TBC1D9: variants seen among roughly 807,000 people sequenced by gnomAD.
The protein encoded by TBC1D9 is TBC1 domain family member 9.
In TBC1D9, 63 loss-of-function variants were observed where a neutral mutation model predicts 132.0. The observed-to-expected ratio is 0.48, with a 90% CI of 0.39 to 0.59. The LOEUF (loss-of-function observed/expected upper bound fraction) is 0.59. Among genes scored for constraint, TBC1D9 ranks in the 20% least tolerant of loss-of-function variants. The pLI is 0.00. For synonymous variants in TBC1D9, 610 were observed against 609.9 expected, an observed-to-expected ratio of 1.00 and a Z score of 0.00; for missense variants, 1,261 against 1,592.7, an observed-to-expected ratio of 0.79 and a Z score of 3.54.
chr4:140,747,413 G>C (rs1560903572), intron 1 of TBC1D9, among the ~76,000 whole-genome samples: 2 of 151,912 alleles, frequency 1.3e-5, no homozygotes, highest in Admixed American at 1.3e-4. Context: ...GTGGGACCTA[G>C]GGTAAATCAC....
At chr4:140,656,327 G>A (rs569050755) in intron 13 of TBC1D9, among the ~76,000 whole-genome samples, 23 of 152,114 alleles carry the variant, frequency 1.5e-4, no homozygotes, top group Admixed American at 6.5e-4. Context: ...AAAAGGAGTC[G>A]GGCTGGCAAG....
chr4:140,667,202 G>A (rs945098807), intron 9 of TBC1D9, among the ~76,000 whole-genome samples: 10 of 152,116 alleles, frequency 6.6e-5, no homozygotes, highest in South Asian at 2.1e-4. Flanking sequence ...GTGGAAATAC[G>A]GGCTCAGTTA....
intron 5 of TBC1D9, among the ~76,000 whole-genome samples, 174 bp from the exon 6 acceptor site, chr4:140,677,275 G>A (rs772481761): frequency 1.1e-4 from 16 of 152,074 alleles, no homozygotes; most frequent in African/African-American, 3.1e-4. Context: ...ACCCAAAAGC[G>A]TAATAAAATT....
intron 11 of TBC1D9, among the ~76,000 whole-genome samples, chr4:140,658,842 G>A (rs1737312849): frequency 6.6e-6 from 1 of 151,682 alleles, no homozygotes; most frequent in Admixed American, 6.6e-5. Flanking sequence ...CTGGATGCAT[G>A]GTGCCCACAG....
In TBC1D9 at chr4:140,642,668, TCC is replaced by T. The variant is rs764816161; in HGVS notation, c.2338-3242_2338-3241del. ...GTGTTCATCCCAAGTCTGGTTCCTC[TCC>T]CTGGCTTTCCCTGTTCCAATAAGGG... On this transcript the variant is annotated intron_variant, in intron 13 of 20. Coordinates refer to ENST00000442267, the MANE Select transcript of TBC1D9 (RefSeq NM_015130.3). 6 of 676,980 alleles carry T rather than the reference TCC, an allele frequency of 8.9e-6. No individual in the cohort carries two copies. In the South Asian group the frequency reaches 9.5e-5, roughly 11 times the overall value. The allele number at this position is 676,980 out of a possible 1,614,324, so 41.9% of individuals were successfully genotyped here.
intron 18 of TBC1D9, 54 bp downstream of exon 18, chr4:140,627,387 T>A (rs943704199): frequency 1.7e-6 from 2 of 1,158,768 alleles, no homozygotes; most frequent in Non-Finnish European, 2.5e-6. Flanking sequence ...TTTCCAATAA[T>A]GGAGGGCTCG....
intron 13 of TBC1D9, chr4:140,642,886 G>A (rs1270412558): frequency 1.7e-6 from 1 of 579,016 alleles, no homozygotes; most frequent in East Asian, 2.9e-5. Context: ...AAGCTTCCAT[G>A]GGACTCCTCG....
chr4:140,685,631 G>A (rs1225006837), intron 3 of TBC1D9, among the ~76,000 whole-genome samples: 3 of 152,024 alleles, frequency 2.0e-5, no homozygotes, highest in Non-Finnish European at 4.4e-5. Context: ...GCATTAAGTC[G>A]GCCAGTTAAT....
intron 15 of TBC1D9, among the ~76,000 whole-genome samples, chr4:140,634,453 G>A (rs939091747): frequency 6.6e-6 from 1 of 152,100 alleles, no homozygotes; most frequent in Non-Finnish European, 1.5e-5. Flanking sequence ...GAAAGAAAGG[G>A]AACTCTCCCC....
chr4:140,735,057 A>C (rs1203445107), intron 1 of TBC1D9, among the ~76,000 whole-genome samples: 24 of 152,218 alleles, frequency 1.6e-4, no homozygotes, highest in Non-Finnish European at 1.5e-5. Flanking sequence ...CATATAATTT[A>C]CAATGAAAGA....
At chr4:140,638,337 T>C (rs1736911862) in intron 15 of TBC1D9, among the ~76,000 whole-genome samples, 1 of 151,814 alleles carries the variant, frequency 6.6e-6, no homozygotes. Flanking sequence ...AACGAAAAAA[T>C]TGTACTTTGC....
chr4:140,734,817 A>C (rs375112483), intron 1 of TBC1D9, among the ~76,000 whole-genome samples: 4 of 152,280 alleles, frequency 2.6e-5, no homozygotes, highest in African/African-American at 9.6e-5. Flanking sequence ...TAATAAACAC[A>C]AATTTGAAAA....
intron 1 of TBC1D9, among the ~76,000 whole-genome samples, chr4:140,705,941 A>T (rs1738144114): frequency 6.6e-6 from 1 of 152,222 alleles, no homozygotes; most frequent in Admixed American, 6.5e-5. Context: ...GTGGCATCTT[A>T]TAATGTAAAA....
At position 140,628,333 on chromosome 4, in the gene TBC1D9, G is replaced by A; in HGVS notation, c.2779C>T (p.Leu927Phe). 1 of 1,613,948 alleles carries A rather than the reference G, an allele frequency of 6.2e-7. No homozygotes were observed. The highest frequency in any genetic ancestry group is 8.5e-7 in the Non-Finnish European group (1 of 1,179,820). ...ACGTGCATTTTGTACAGGAGTTTGA[G>A]CTTCTCTGTGAGGTCCCCATGGCAT... ...AACHGDLTEK[L>F]KLLYKMHVLP... Residue 927 changes from leucine to phenylalanine, a missense_variant, in exon 17 of 21, where the codon CTC becomes TTC. Coordinates refer to ENST00000442267, the MANE Select transcript of TBC1D9 (RefSeq NM_015130.3).
intron 14 of TBC1D9, 45 bp from the exon 15 acceptor site, chr4:140,639,199 G>T (rs1279236896): frequency 6.6e-7 from 1 of 1,505,904 alleles, no homozygotes; most frequent in South Asian, 1.2e-5. Context: ...CTCAAAAAGT[G>T]CCATGCTGGG....
intron 13 of TBC1D9, chr4:140,643,222 C>G: frequency 7.3e-7 from 1 of 1,361,416 alleles, no homozygotes; most frequent in South Asian, 1.3e-5. Flanking sequence ...TCCGCACCTC[C>G]CACCTTCTTG....
chr4:140,700,937 C>T (rs929836720), intron 2 of TBC1D9: 2 of 152,562 alleles, frequency 1.3e-5, no homozygotes, highest in African/African-American at 4.8e-5. Flanking sequence ...GACCTTCGGA[C>T]CAGCCAAAGC....
At chr4:140,723,190 G>A (rs1170799649) in intron 1 of TBC1D9, among the ~76,000 whole-genome samples, 1 of 152,108 alleles carries the variant, frequency 6.6e-6, no homozygotes, top group African/African-American at 2.4e-5. Flanking sequence ...CAGGACCCTG[G>A]GTAACCTGCA....
chr4:140,651,279 A>G (rs1197752876), intron 13 of TBC1D9, among the ~76,000 whole-genome samples: 1 of 152,192 alleles, frequency 6.6e-6, no homozygotes, highest in Non-Finnish European at 1.5e-5. Context: ...CCTGGCCAAC[A>G]TGGTGAAACC....
Sources: gnomAD v4.1 joint callset for allele counts (sites outside exome capture counted in the v4.1 genomes callset) on GRCh38, gnomAD v4.1.1 for gene constraint, MANE v1.5 for transcripts, NCBI Gene and HGNC (gene_info 2026-07-23, HGNC 2026-07-21) for gene names.